Variants in DMD observed in about 807,000 individuals in gnomAD.
The protein encoded by DMD is dystrophin.
DMD carries 63 observed loss-of-function variants against 330.1 expected under a neutral mutation model. The ratio of observed to expected loss-of-function variants is 0.19; its 90% CI spans 0.16 to 0.24. The LOEUF is 0.24. Among genes scored for constraint, DMD ranks in the 10% least tolerant of loss-of-function variants. DMD has a pLI of 1.00. For missense variants in DMD, 3,344 were observed against 2,684.1 expected (o/e 1.25, Z -5.43); for synonymous variants, 1,223 against 959.8 (o/e 1.27, Z -5.07).
chrX:32,367,538 G>C (rs2097858703), intron 34 of DMD, among the ~76,000 whole-genome samples: 1 of 112,105 alleles, frequency 8.9e-6, no homozygotes, highest in African/African-American at 3.2e-5. Flanking sequence ...CATAGATTTT[G>C]TTTCTTACAT....
intron 61 of DMD, among the ~76,000 whole-genome samples, chrX:31,344,260 A>G (rs1245585979): frequency 8.9e-6 from 1 of 111,845 alleles, no homozygotes; most frequent in Non-Finnish European, 1.9e-5. Context: ...TAACATGACA[A>G]TTCCACCTTT....
At chrX:33,112,805 C>T (rs1012777350) in intron 1 of DMD, among the ~76,000 whole-genome samples, 1 of 108,250 alleles carries the variant, frequency 9.2e-6, no homozygotes, top group African/African-American at 3.4e-5. Context: ...GTAAGAATAT[C>T]GGCCAGGCGC....
At chrX:32,699,441 T>C (rs1178827820) in intron 7 of DMD, 148 bp from the exon 8 acceptor site, 2 of 514,747 alleles carry the variant, frequency 3.9e-6, no homozygotes, top group African/African-American at 4.6e-5. Context: ...AATTAGAACA[T>C]GAGAATGAGG....
intron 23 of DMD, among the ~76,000 whole-genome samples, chrX:32,467,388 A>C (rs1317558136): frequency 9.0e-6 from 1 of 110,921 alleles, no homozygotes; most frequent in African/African-American, 3.3e-5. Flanking sequence ...GTTTTTCTTT[A>C]GCTTGAGTGG....
At chrX:32,504,396 G>A (rs1469463686) in intron 18 of DMD, among the ~76,000 whole-genome samples, 1 of 111,079 alleles carries the variant, frequency 9.0e-6, no homozygotes, top group East Asian at 2.8e-4. Flanking sequence ...GGCCAACGCG[G>A]GTGGATCACC....
chrX:33,256,213 A>G (rs1012172055), intron 1 of DMD, among the ~76,000 whole-genome samples: 1 of 111,402 alleles, frequency 9.0e-6, no homozygotes, highest in Non-Finnish European at 1.9e-5. Context: ...ATATGGATAA[A>G]GCCACAAATT....
At chrX:31,370,817 T>C (rs1288401598) in intron 60 of DMD, among the ~76,000 whole-genome samples, 1 of 111,935 alleles carries the variant, frequency 8.9e-6, no homozygotes, top group African/African-American at 3.2e-5. Context: ...TAAACTAGGG[T>C]ATATCCAAAC....
chrX:32,809,919 C>CAAAAAAAAAAAAAAAAAA (rs55898363), intron 6 of DMD, among the ~76,000 whole-genome samples: 2 of 28,660 alleles, frequency 7.0e-5, no homozygotes, highest in Non-Finnish European at 1.2e-4. Context: ...TTGTTTCTAC[C>CAAAAAAAAAAAAAAAAAA]AAAAAAAAAA....
rs191758820 is a variant in DMD at position 31,665,852 on chromosome X, G to A, written c.7873-7708C>T. ...ATATTTTTCCCCTCTTTACTTTCAGGCCCCATTTCTCTTCCAGCTGCTTTG... is the reference window on the plus strand; with the variant it reads ...ATATTTTTCCCCTCTTTACTTTCAGACCCCATTTCTCTTCCAGCTGCTTTG... On this transcript the variant is annotated intron_variant, in intron 53 of 78. Transcript: ENST00000357033. Among the ~76,000 whole-genome samples, 14 of 111,402 alleles carry A rather than the reference G, an allele frequency of 1.3e-4. No homozygotes were observed. The East Asian group carries it at 3.7e-3, about 29-fold the overall frequency.
chrX:32,465,295 C>T (rs1263557941), intron 23 of DMD, among the ~76,000 whole-genome samples: 1 of 111,384 alleles, frequency 9.0e-6, no homozygotes. Context: ...ACCCATGATT[C>T]TTTCCCGTAT....
intron 1 of DMD, among the ~76,000 whole-genome samples, chrX:33,328,509 A>C (rs2054122962): frequency 9.0e-6 from 1 of 111,348 alleles, no homozygotes; most frequent in African/African-American, 3.3e-5. Flanking sequence ...ACAGGTTTAA[A>C]TATTGCATGG....
chrX:33,270,060 A>T (rs2053126541), intron 1 of DMD, among the ~76,000 whole-genome samples: 1 of 110,604 alleles, frequency 9.0e-6, no homozygotes, highest in African/African-American at 3.3e-5. Flanking sequence ...CTCTACCCTG[A>T]TCAACACAAT....
chrX:31,370,098 CAAA>C (rs59989996), intron 60 of DMD, among the ~76,000 whole-genome samples: 1 of 59,349 alleles, frequency 1.7e-5, no homozygotes. Flanking sequence ...GGCTCCGTCT[CAAA>C]AAAAAAAAAA....
chrX:32,611,840 T>C (rs918494462), intron 12 of DMD, among the ~76,000 whole-genome samples: 2 of 112,078 alleles, frequency 1.8e-5, no homozygotes, highest in African/African-American at 3.2e-5. Context: ...TCCAAAAGTA[T>C]TGGACACATT....
intron 2 of DMD, among the ~76,000 whole-genome samples, chrX:32,881,214 G>T (rs1369082580): frequency 2.7e-5 from 3 of 112,239 alleles, no homozygotes; most frequent in Non-Finnish European, 5.6e-5. Context: ...TCTCTTTGAA[G>T]CTAGTTCTAA....
In DMD at chrX:31,593,247, G is replaced by T. The variant is rs761395752; in HGVS notation, c.8217+34426C>A. 9.9e-5 allele frequency among the ~76,000 whole-genome samples: 11 copies of T among 111,136 alleles called. No individual in the cohort carries two copies. In the East Asian group the frequency reaches 3.1e-3, roughly 31 times the overall value. On this transcript the variant is annotated intron_variant, in intron 55 of 78. Transcript: ENST00000357033. ...CACACAGTTTAAGTAATTTGCCAGG[G>T]TCATAAAGGTAGCTGGTAAAGACTT...
chrX:32,918,804 T>A (rs763451279), intron 2 of DMD, among the ~76,000 whole-genome samples: 1 of 112,214 alleles, frequency 8.9e-6, no homozygotes, highest in Non-Finnish European at 1.9e-5. Context: ...TACACATAAT[T>A]GGAATGAGGA....
intron 54 of DMD, among the ~76,000 whole-genome samples, chrX:31,628,591 T>A (rs1344914036): frequency 9.0e-6 from 1 of 111,228 alleles, no homozygotes; most frequent in African/African-American, 3.3e-5. Context: ...AATAAAAATG[T>A]TATGTGTAAT....
chrX:31,187,532 T>C (rs1436910314), intron 67 of DMD, among the ~76,000 whole-genome samples: 1 of 111,846 alleles, frequency 8.9e-6, no homozygotes, highest in East Asian at 2.8e-4. Context: ...TGAGTCAGTG[T>C]TTCCCAGTAT....
Sources: allele counts gnomAD v4.1 joint callset (sites outside exome capture counted in the v4.1 genomes callset), GRCh38; gene constraint gnomAD v4.1.1; transcripts MANE v1.5; gene names NCBI Gene and HGNC (gene_info 2026-07-23, HGNC 2026-07-21).